Variants in ZMAT4 observed in about 807,000 individuals in gnomAD.
The protein encoded by ZMAT4 is zinc finger matrin-type 4, also known as zinc finger matrin-type protein 4.
Under a neutral mutation model 28.7 loss-of-function variants are expected in ZMAT4, and 17 were observed. That is an observed-to-expected ratio of 0.59 (90% CI 0.41 to 0.89). ZMAT4 has a LOEUF of 0.89. Among genes scored for constraint, ZMAT4 ranks in the 40% least tolerant of loss-of-function variants. The pLI, the probability that ZMAT4 is intolerant of heterozygous loss-of-function variation, is 0.00. For synonymous variants in ZMAT4, 117 were observed against 109.2 expected, an observed-to-expected ratio of 1.07 and a Z score of -0.44; for missense variants, 240 against 283.8, an observed-to-expected ratio of 0.85 and a Z score of 1.11.
At chr8:40,825,841 AATATGTGC>A (rs1445445310) in intron 1 of ZMAT4, among the ~76,000 whole-genome samples, 161 bp from the exon 2 acceptor site, 11 of 152,230 alleles carry the variant, frequency 7.2e-5, no homozygotes, top group African/African-American at 2.7e-4. Context: ...GATTAACCAT[AATATGTGC>A]ATAGGTTATA....
chr8:40,845,740 A>G (rs966628320), intron 1 of ZMAT4, among the ~76,000 whole-genome samples: 2 of 150,094 alleles, frequency 1.3e-5, no homozygotes, highest in African/African-American at 5.0e-5. Context: ...CTGCTATGAA[A>G]TGTTTCAACC....
chr8:40,578,419 C>T (rs1326602030), intron 6 of ZMAT4, among the ~76,000 whole-genome samples: 1 of 152,056 alleles, frequency 6.6e-6, no homozygotes, highest in Non-Finnish European at 1.5e-5. Context: ...AGGAGATTAT[C>T]TTATCGACCT....
At chr8:40,841,928 G>T (rs1379077779) in intron 1 of ZMAT4, among the ~76,000 whole-genome samples, 1 of 152,208 alleles carries the variant, frequency 6.6e-6, no homozygotes, top group Non-Finnish European at 1.5e-5. Context: ...GGGCAGAACA[G>T]TCTCCAGGAA....
chr8:40,631,448 G>A (rs1181824178), intron 5 of ZMAT4, among the ~76,000 whole-genome samples: 4 of 152,108 alleles, frequency 2.6e-5, no homozygotes, highest in African/African-American at 4.8e-5. Flanking sequence ...GTGAGCCACC[G>A]CACCAGGCCA....
At chr8:40,850,946 CTG>C (rs1817083000) in intron 1 of ZMAT4, among the ~76,000 whole-genome samples, 2 of 152,190 alleles carry the variant, frequency 1.3e-5, no homozygotes, top group Admixed American at 6.5e-5. Context: ...AAAGTTAAAA[CTG>C]AGAAATGTTT....
chr8:40,578,522 C>T (rs940555731), intron 6 of ZMAT4, among the ~76,000 whole-genome samples: 1 of 152,072 alleles, frequency 6.6e-6, no homozygotes, highest in African/African-American at 2.4e-5. Flanking sequence ...TTAGACACTT[C>T]TACAACTTAC....
intron 4 of ZMAT4, among the ~76,000 whole-genome samples, chr8:40,692,224 C>T (rs1220340297): frequency 6.6e-6 from 1 of 152,128 alleles, no homozygotes; most frequent in Non-Finnish European, 1.5e-5. Flanking sequence ...ATCCATCCAG[C>T]CTTGTTACTG....
At chr8:40,713,106 C>T (rs1410306832) in intron 3 of ZMAT4, among the ~76,000 whole-genome samples, 4 of 151,830 alleles carry the variant, frequency 2.6e-5, no homozygotes, top group Non-Finnish European at 5.9e-5. Context: ...GTTTCTGCTA[C>T]AGAAAGGCAC....
intron 3 of ZMAT4, among the ~76,000 whole-genome samples, chr8:40,719,798 T>C (rs1319859087): frequency 6.6e-6 from 1 of 152,194 alleles, no homozygotes; most frequent in Non-Finnish European, 1.5e-5. Context: ...CTTGAACTCC[T>C]GATCTCAGGT....
chr8:40,667,329 T>A (rs986544512), intron 5 of ZMAT4, among the ~76,000 whole-genome samples: 3 of 152,074 alleles, frequency 2.0e-5, no homozygotes, highest in African/African-American at 7.2e-5. Context: ...CTAATTTTTG[T>A]ATTTTTAGTA....
intron 3 of ZMAT4, among the ~76,000 whole-genome samples, chr8:40,707,715 ATAT>A (rs1442293701): frequency 6.6e-6 from 1 of 152,200 alleles, no homozygotes; most frequent in Non-Finnish European, 1.5e-5. Flanking sequence ...GAATAGATAC[ATAT>A]TATCTCATTT....
intron 6 of ZMAT4, among the ~76,000 whole-genome samples, chr8:40,533,000 C>A (rs1018259410): frequency 2.0e-5 from 3 of 150,780 alleles, no homozygotes; most frequent in Non-Finnish European, 3.0e-5. Flanking sequence ...AAAAAAAATT[C>A]TTTCTGGCCT....
chr8:40,559,240 G>T (rs1803650582), intron 6 of ZMAT4, among the ~76,000 whole-genome samples: 1 of 152,070 alleles, frequency 6.6e-6, no homozygotes, highest in African/African-American at 2.4e-5. Context: ...ACTGGTTCTG[G>T]CTGGCTTTAC....
intron 6 of ZMAT4, among the ~76,000 whole-genome samples, chr8:40,533,066 T>C (rs1445507053): frequency 6.6e-6 from 1 of 152,202 alleles, no homozygotes; most frequent in Non-Finnish European, 1.5e-5. Flanking sequence ...GAAGGATTTT[T>C]AGTTTTGTTT....
intron 5 of ZMAT4, among the ~76,000 whole-genome samples, chr8:40,581,558 A>G (rs1343552008): frequency 6.6e-6 from 1 of 152,120 alleles, no homozygotes; most frequent in African/African-American, 2.4e-5. Context: ...GATGCATTCT[A>G]TTTTTCTCTA....
intron 4 of ZMAT4, among the ~76,000 whole-genome samples, chr8:40,679,292 A>T (rs1317981244): frequency 6.6e-6 from 1 of 152,184 alleles, no homozygotes. Context: ...TATTCCATGC[A>T]TAATAATCAT....
intron 4 of ZMAT4, among the ~76,000 whole-genome samples, chr8:40,688,890 C>T (rs779292581): frequency 1.1e-4 from 16 of 152,188 alleles, no homozygotes; most frequent in Non-Finnish European, 1.8e-4. Context: ...GTTTTCCCCA[C>T]CTCTGGGAGA....
At chr8:40,574,925 C>T (rs1177539544) in intron 6 of ZMAT4, among the ~76,000 whole-genome samples, 2 of 152,186 alleles carry the variant, frequency 1.3e-5, no homozygotes, top group Non-Finnish European at 2.9e-5. Flanking sequence ...ACATTGTTTA[C>T]TGATCATAAC....
At chr8:40,664,382 T>C (rs80072509) in intron 5 of ZMAT4, among the ~76,000 whole-genome samples, 1 of 152,228 alleles carries the variant, frequency 6.6e-6, no homozygotes, top group Non-Finnish European at 1.5e-5. Context: ...ATGTACACAC[T>C]GCTCTCTTGT....
Sources: allele counts gnomAD v4.1 joint callset (sites outside exome capture counted in the v4.1 genomes callset), GRCh38; gene constraint gnomAD v4.1.1; transcripts MANE v1.5; gene names NCBI Gene and HGNC (gene_info 2026-07-23, HGNC 2026-07-21).